SLC7A8: variants seen among roughly 807,000 people sequenced by gnomAD.
SLC7A8 encodes large neutral amino acids transporter small subunit 2.
SLC7A8 carries 30 observed loss-of-function variants against 51.2 expected under a neutral mutation model. That is an observed-to-expected ratio of 0.59 (90% CI 0.44 to 0.80). The LOEUF (loss-of-function observed/expected upper bound fraction) is 0.80. Among genes scored for constraint, SLC7A8 ranks in the 30% least tolerant of loss-of-function variants. The pLI, the probability that SLC7A8 is intolerant of heterozygous loss-of-function variation, is 0.00. For synonymous variants in SLC7A8, 257 were observed against 275.8 expected, an observed-to-expected ratio of 0.93 and a Z score of 0.67; for missense variants, 612 against 674.4, an observed-to-expected ratio of 0.91 and a Z score of 1.03.
At chr14:23,135,986 C>A (rs2048686953) in intron 7 of SLC7A8, among the ~76,000 whole-genome samples, 1 of 152,092 alleles carries the variant, frequency 6.6e-6, no homozygotes, top group Non-Finnish European at 1.5e-5. Context: ...CAAATTGGAC[C>A]ACTTTTTTCT....
In SLC7A8 at chr14:23,166,551, C is replaced by A. The variant is rs769013182; in HGVS notation, c.152-11G>T. ...AGCCGATGATGTTCCCTGCATGAGG[C>A]ACCAAGGGTAAGGAGGGGAGACAGT... On this transcript the variant is annotated splice_polypyrimidine_tract_variant and intron_variant, in intron 1 of 10. Coordinates refer to ENST00000316902, the MANE Select transcript of SLC7A8 (RefSeq NM_012244.4). 6.2e-7 allele frequency: 1 copy of A among 1,613,836 alleles called. No individual in the cohort carries two copies. The highest frequency in any genetic ancestry group is 1.1e-5 in the South Asian group (1 of 91,080).
intron 3 of SLC7A8, chr14:23,154,418 A>G: frequency 1.0e-6 from 1 of 993,272 alleles, no homozygotes; most frequent in Non-Finnish European, 1.2e-6. Flanking sequence ...CTGGGCAGGG[A>G]AGCCGGGCCT....
In SLC7A8 at chr14:23,182,808, A is replaced by G; in HGVS notation, c.107T>C (p.Leu36Pro). The stretch of plus-strand genomic sequence containing the variant: ...ACTGACCAATCCGATCTCTTTCTTC[A>G]GGGCTACTCCGCCCCCTCCGGAACC... ...EAGSGGGGVA[L>P]KKEIGLVSAC... The change falls in exon 1 of 11, where the codon CTG becomes CCG. Residue 36 changes from leucine (L) to proline (P), a missense_variant. By Grantham distance (98) the Leu-to-Pro change is moderately conservative. Coordinates refer to ENST00000316902, the MANE Select transcript of SLC7A8 (RefSeq NM_012244.4). The G allele has an allele frequency of 6.2e-7, 1 of 1,611,738 alleles. No homozygotes were observed. Among genetic ancestry groups the G allele is most frequent in the African/African-American group, 1.3e-5 (1 of 74,848 alleles).
chr14:23,134,338 G>A (rs1256966758), intron 7 of SLC7A8, among the ~76,000 whole-genome samples: 2 of 149,334 alleles, frequency 1.3e-5, no homozygotes, highest in Admixed American at 6.7e-5. Flanking sequence ...TGAGGGGGCT[G>A]AGGTGGGAGG....
At chr14:23,163,058 A>G (rs2048932306) in intron 3 of SLC7A8, among the ~76,000 whole-genome samples, 2 of 151,876 alleles carry the variant, frequency 1.3e-5, no homozygotes, top group African/African-American at 4.8e-5. Flanking sequence ...CAGAAACAGC[A>G]CTCTTCCTGC....
chr14:23,167,873 T>G (rs935005714), intron 1 of SLC7A8, among the ~76,000 whole-genome samples: 2 of 152,116 alleles, frequency 1.3e-5, no homozygotes, highest in Non-Finnish European at 2.9e-5. Context: ...ATGGAGATTG[T>G]AAGGTGCTAC....
rs115074312 is a variant in SLC7A8, at chr14:23,136,223, G to A, written c.1016+1698C>T. 5.9e-3 allele frequency among the ~76,000 whole-genome samples: 891 copies of A among 152,230 alleles called. 4 individuals are homozygous for A. The highest frequency in any genetic ancestry group is 9.6e-3 in the Non-Finnish European group (650 of 68,016). On this transcript the variant is annotated intron_variant, in intron 7 of 10. Transcript: ENST00000316902. ...GTAACCATCATGAACTCCCTAGGCC[G>A]GTGTCACTAGTTTCATGCAGCCATA...
At chr14:23,127,585 C>T (rs1223402470) in intron 10 of SLC7A8, among the ~76,000 whole-genome samples, 4 of 152,238 alleles carry the variant, frequency 2.6e-5, no homozygotes, top group Non-Finnish European at 5.9e-5. Flanking sequence ...TCCAGGGTCT[C>T]CTCTGGTCTC....
chr14:23,147,108 A>G (rs1260669724), intron 3 of SLC7A8, among the ~76,000 whole-genome samples: 1 of 7,954 alleles, frequency 1.3e-4, no homozygotes, highest in South Asian at 5.0e-3. Flanking sequence ...CATCCATCAT[A>G]GATCCATTCA....
intron 7 of SLC7A8, among the ~76,000 whole-genome samples, chr14:23,134,110 A>C (rs965792091): frequency 1.3e-5 from 2 of 151,834 alleles, no homozygotes; most frequent in Non-Finnish European, 2.9e-5. Context: ...CCAAATGCCA[A>C]TTAATTTTAA....
intron 3 of SLC7A8, chr14:23,155,182 C>T (rs117268667): frequency 0.012 from 18,539 of 1,535,854 alleles, 161 homozygotes; most frequent in South Asian, 0.018. Context: ...TTAGAAATCT[C>T]GGAACCCCCT....
In SLC7A8 at chr14:23,166,515, A is replaced by G. The variant is rs1027187494; in HGVS notation, c.177T>C (p.Phe59=). 3.1e-6 allele frequency: 5 copies of G among 1,614,000 alleles called. No homozygotes were observed. The highest frequency in any genetic ancestry group is 4.2e-6 in the Non-Finnish European group (5 of 1,179,980). The change falls in exon 2 of 11, where the codon TTT becomes TTC. Residue 59 remains phenylalanine, a synonymous_variant. Coordinates refer to ENST00000316902, the MANE Select transcript of SLC7A8 (RefSeq NM_012244.4). ...TCTCCAGCACTCCCTTTGGCGAGAC[A>G]AAGATTCCAGAGCCGATGATGTTCC... The part of the protein sequence containing the change: ...IVGNIIGSGI[F]VSPKGVLENA...
At chr14:23,161,607 T>TAGGTGGGTGGGG (rs2048922994) in intron 3 of SLC7A8, among the ~76,000 whole-genome samples, 9 of 3,758 alleles carry the variant, frequency 2.4e-3, no homozygotes, top group East Asian at 0.017. Flanking sequence ...GGTGGGTGGG[T>TAGGTGGGTGGGG]GGGAGGGGTG....
At chr14:23,131,418 G>C (rs1241142242) in intron 8 of SLC7A8, 43 bp downstream of exon 8, 2 of 1,478,918 alleles carry the variant, frequency 1.4e-6, no homozygotes, top group Non-Finnish European at 1.8e-6. Context: ...TAGGCACAAA[G>C]AGAGGGAGGT....
intron 3 of SLC7A8, among the ~76,000 whole-genome samples, chr14:23,162,354 G>T (rs191040814): frequency 4.1e-4 from 62 of 152,266 alleles, no homozygotes; most frequent in Non-Finnish European, 7.1e-4. Context: ...AAGGATTTAA[G>T]ATTTTTCTGC....
chr14:23,166,231 C>G, intron 2 of SLC7A8, 105 bp downstream of exon 2: 1 of 1,225,234 alleles, frequency 8.2e-7, no homozygotes, highest in Non-Finnish European at 1.2e-6. Flanking sequence ...CCGTGGCACA[C>G]TGGAGACTGG....
chr14:23,153,038 C>T (rs2048861175), intron 3 of SLC7A8, among the ~76,000 whole-genome samples: 1 of 152,150 alleles, frequency 6.6e-6, no homozygotes, highest in Non-Finnish European at 1.5e-5. Context: ...GAAGCCTGCG[C>T]CCTACCACCC....
rs2048724391 is a variant in SLC7A8 at position 23,139,619 on chromosome 14, T to C, written c.789-72A>G. The C allele has an allele frequency of 2.6e-6, 4 of 1,530,620 alleles. No individual in the cohort carries two copies. In the Admixed American group the frequency reaches 8.1e-5, roughly 31 times the overall value. 94.8% of individuals were successfully genotyped at this position (1,530,620 alleles called of 1,614,324 possible). A position where few individuals can be genotyped will look rare whatever the true frequency, so the allele number is the denominator to read the frequency against. On this transcript the variant is annotated intron_variant, in intron 5 of 10. Coordinates refer to ENST00000316902, the MANE Select transcript of SLC7A8 (RefSeq NM_012244.4). ...CCGCCTTGCCATGGAGTCCAGGGGG[T>C]GTCTTCTGTCTTTCTGCATGCGTGT...
intron 1 of SLC7A8, among the ~76,000 whole-genome samples, chr14:23,176,554 C>T (rs1876920662): frequency 6.6e-6 from 1 of 152,138 alleles, no homozygotes; most frequent in Admixed American, 6.6e-5. Flanking sequence ...TCAATTTCCC[C>T]ATTTTTAACG....
Sources: gnomAD v4.1 joint callset for allele counts (sites outside exome capture counted in the v4.1 genomes callset) on GRCh38, gnomAD v4.1.1 for gene constraint, MANE v1.5 for transcripts, NCBI Gene and HGNC (gene_info 2026-07-23, HGNC 2026-07-21) for gene names.